MGAT5: variants seen among roughly 807,000 people sequenced by gnomAD.
The protein encoded by MGAT5 is alpha-1,6-mannosylglycoprotein 6-beta-N-acetylglucosaminyltransferase, also known as alpha-1,6-mannosylglycoprotein 6-beta-N-acetylglucosaminyltransferase A.
Under a neutral mutation model 94.3 loss-of-function variants are expected in MGAT5, and 30 were observed. The ratio of observed to expected loss-of-function variants is 0.32; its 90% CI spans 0.24 to 0.43. The LOEUF is 0.43. Ranked by LOEUF, MGAT5 falls within the 20% of genes least tolerant of loss-of-function variation. MGAT5 has a pLI of 1.00. For missense variants in MGAT5, 691 were observed against 905.5 expected (o/e 0.76, Z 3.04); for synonymous variants, 310 against 322.9 (o/e 0.96, Z 0.43).
intron 1 of MGAT5, among the ~76,000 whole-genome samples, chr2:134,184,216 G>C (rs1184932546): frequency 1.3e-5 from 2 of 152,192 alleles, no homozygotes; most frequent in African/African-American, 4.8e-5. Flanking sequence ...TATCTGAGAC[G>C]GGAAATGGAT....
intron 2 of MGAT5, among the ~76,000 whole-genome samples, chr2:134,298,933 G>A (rs1303439197): frequency 1.3e-5 from 2 of 152,180 alleles, no homozygotes; most frequent in Admixed American, 6.5e-5. Flanking sequence ...AATGGAAGAA[G>A]AAGGAAGTCA....
chr2:134,262,834 G>T (rs1394755088), intron 1 of MGAT5, among the ~76,000 whole-genome samples: 1 of 152,230 alleles, frequency 6.6e-6, no homozygotes, highest in Non-Finnish European at 1.5e-5. Flanking sequence ...ACCTGTTTAT[G>T]TAGCTATTCT....
intron 10 of MGAT5, among the ~76,000 whole-genome samples, chr2:134,378,584 A>C (rs1232917020): frequency 6.6e-6 from 1 of 151,364 alleles, no homozygotes; most frequent in Non-Finnish European, 1.5e-5. Flanking sequence ...TCAGAACACT[A>C]ATCATATACA....
chr2:134,272,781 G>C (rs1157104548), intron 2 of MGAT5, among the ~76,000 whole-genome samples: 1 of 152,182 alleles, frequency 6.6e-6, no homozygotes, highest in Non-Finnish European at 1.5e-5. Context: ...CTTCAGATCT[G>C]CTAGTGCTAT....
intron 1 of MGAT5, among the ~76,000 whole-genome samples, chr2:134,130,506 C>G (rs1301352185): frequency 1.3e-5 from 2 of 152,248 alleles, no homozygotes; most frequent in African/African-American, 4.8e-5. Flanking sequence ...ACTTTTATGT[C>G]TAGCTGGAGG....
rs367845741 is a variant in MGAT5, at chr2:134,187,697, TTGC to T, written c.-142-66561_-142-66559del. On this transcript the variant is annotated intron_variant, in intron 1 of 16. Coordinates refer to the MGAT5 transcript ENST00000409645. ...TGCTATGTCCCGAGTGTCTAGAATG[TTGC>T]TGCAGGCAGCAAATGTTCAAAATAT... 7.7e-3 allele frequency among the ~76,000 whole-genome samples: 1,171 copies of T among 152,340 alleles called. 9 individuals are homozygous for T. The highest frequency in any genetic ancestry group is 0.026 in the African/African-American group (1,078 of 41,576).
At chr2:134,402,140 A>G (rs1683092693) in intron 10 of MGAT5, among the ~76,000 whole-genome samples, 1 of 152,220 alleles carries the variant, frequency 6.6e-6, no homozygotes, top group Non-Finnish European at 1.5e-5. Context: ...ATTTCCCAAA[A>G]AAAGGAAAAG....
chr2:134,436,951 T>A (rs1193350044), intron 14 of MGAT5, among the ~76,000 whole-genome samples: 1 of 152,226 alleles, frequency 6.6e-6, no homozygotes, highest in Admixed American at 6.5e-5. Flanking sequence ...CATCACTTCC[T>A]CCTTGTCAAA....
chr2:134,227,177 C>T (rs1681108900), intron 1 of MGAT5, among the ~76,000 whole-genome samples: 1 of 152,142 alleles, frequency 6.6e-6, no homozygotes, highest in Admixed American at 6.5e-5. Flanking sequence ...CATCTGCCAT[C>T]CCATACTCTT....
chr2:134,287,467 T>C (rs1256171731), intron 2 of MGAT5, among the ~76,000 whole-genome samples: 1 of 152,218 alleles, frequency 6.6e-6, no homozygotes, highest in African/African-American at 2.4e-5. Context: ...CTCACATATC[T>C]GGTAATCTGT....
chr2:134,376,434 TTTCTTA>T (rs576972606), intron 10 of MGAT5, among the ~76,000 whole-genome samples: 4 of 152,292 alleles, frequency 2.6e-5, no homozygotes, highest in East Asian at 1.9e-4. Context: ...GTCTTTTTAT[TTTCTTA>T]TTCTTAATGA....
At chr2:134,285,922 G>A (rs1684973600) in intron 2 of MGAT5, among the ~76,000 whole-genome samples, 1 of 152,126 alleles carries the variant, frequency 6.6e-6, no homozygotes, top group African/African-American at 2.4e-5. Flanking sequence ...TACTTTATAA[G>A]GACACTGCTT....
chr2:134,149,579 A>T (rs961482970), intron 1 of MGAT5, among the ~76,000 whole-genome samples: 1 of 152,226 alleles, frequency 6.6e-6, no homozygotes, highest in East Asian at 1.9e-4. Flanking sequence ...TTAACCTAGT[A>T]CTTATACCAG....
intron 10 of MGAT5, among the ~76,000 whole-genome samples, chr2:134,387,323 T>TAC (rs1682072156): frequency 2.0e-5 from 1 of 50,322 alleles, no homozygotes; most frequent in Non-Finnish European, 3.6e-5. Context: ...TATATATATA[T>TAC]ATATATATAT....
rs1189649642 is a variant in MGAT5, at chr2:134,450,415, A to T, written c.*1568A>T. 1 of 152,210 alleles carries T rather than the reference A, an allele frequency of 6.6e-6. No individual in the cohort carries two copies. Among genetic ancestry groups the T allele is most frequent in the Non-Finnish European group, 1.5e-5 (1 of 68,064 alleles). 9.4% of individuals were successfully genotyped at this position (152,210 alleles called of 1,614,324 possible). ...AGGCGTAATGGCTGGTAGCTTTCAG[A>T]ATGTGAGGGAAAGGAAGAATTCCGC... On this transcript the variant is annotated 3_prime_UTR_variant, in exon 16 of 16. Transcript: ENST00000281923.
At chr2:134,202,165 C>G (rs1245888008) in intron 1 of MGAT5, among the ~76,000 whole-genome samples, 1 of 152,156 alleles carries the variant, frequency 6.6e-6, no homozygotes, top group Admixed American at 6.5e-5. Flanking sequence ...TTTTCTTGTT[C>G]AGCTTCTCTG....
intron 1 of MGAT5, among the ~76,000 whole-genome samples, chr2:134,244,982 C>T (rs1682161596): frequency 2.0e-5 from 3 of 152,078 alleles, no homozygotes; most frequent in Admixed American, 2.0e-4. Flanking sequence ...TTCAGGGACC[C>T]GTGCTTTGTT....
At chr2:134,180,390 A>G (rs1688677154) in intron 1 of MGAT5, among the ~76,000 whole-genome samples, 1 of 152,220 alleles carries the variant, frequency 6.6e-6, no homozygotes, top group African/African-American at 2.4e-5. Flanking sequence ...TTAATACTCA[A>G]ATTCCTCTTG....
chr2:134,331,711 C>T lies in MGAT5; in HGVS notation c.574-4506C>T, dbSNP rs1687985357. On this transcript the variant is annotated intron_variant, in intron 4 of 15. Transcript: ENST00000281923. Reference sequence around the variant, plus strand: ...CCCAGGGAGAGAGTACCAGGAGCCACAGTTGAGAAAGTGTGAAGGAAGGTG... The same window carrying T: ...CCCAGGGAGAGAGTACCAGGAGCCATAGTTGAGAAAGTGTGAAGGAAGGTG... Among the ~76,000 whole-genome samples the T allele has an allele frequency of 3.3e-5, 5 of 151,552 alleles. No individual in the cohort carries two copies. In the South Asian group the frequency reaches 1.0e-3, roughly 31 times the overall value.
Sources: gnomAD v4.1 joint callset for allele counts (sites outside exome capture counted in the v4.1 genomes callset) on GRCh38, gnomAD v4.1.1 for gene constraint, MANE v1.5 for transcripts, NCBI Gene and HGNC (gene_info 2026-07-23, HGNC 2026-07-21) for gene names.